TRPC6: variants seen among roughly 807,000 people sequenced by gnomAD.
TRPC6 encodes the protein transient receptor potential cation channel subfamily C member 6, also known as short transient receptor potential channel 6.
In TRPC6, 55 loss-of-function variants were observed where a neutral mutation model predicts 90.7. The observed-to-expected ratio is 0.61, with a 90% CI of 0.49 to 0.76. The LOEUF is 0.76. TRPC6 is among the 30% of genes least tolerant of loss of function. The pLI, the probability that TRPC6 is intolerant of heterozygous loss-of-function variation, is 0.00. For missense variants in TRPC6, 989 were observed against 1,122.7 expected (o/e 0.88, Z 1.70); for synonymous variants, 393 against 393.0 (o/e 1.00, Z 0.00).
intron 4 of TRPC6, among the ~76,000 whole-genome samples, chr11:101,484,632 T>TGTGC (rs1455813140): frequency 1.4e-5 from 2 of 140,940 alleles, no homozygotes; most frequent in Non-Finnish European, 3.1e-5. Context: ...TGTGTGTGTG[T>TGTGC]GTGTATGAGT....
intron 10 of TRPC6, among the ~76,000 whole-genome samples, chr11:101,468,620 A>C (rs189397104): frequency 5.3e-5 from 8 of 152,320 alleles, no homozygotes; most frequent in African/African-American, 1.7e-4. Flanking sequence ...AAGTGGGTAT[A>C]ATAGCTGAAA....
At chr11:101,496,497 G>A (rs1859952803) in intron 2 of TRPC6, among the ~76,000 whole-genome samples, 1 of 152,030 alleles carries the variant, frequency 6.6e-6, no homozygotes, top group Admixed American at 6.6e-5. Flanking sequence ...TATAGAAAAG[G>A]TAAAAAGAAA....
chr11:101,472,697 A>G (rs967044663), intron 7 of TRPC6, among the ~76,000 whole-genome samples: 2 of 152,290 alleles, frequency 1.3e-5, no homozygotes, highest in East Asian at 3.9e-4. Flanking sequence ...CTCATATCCA[A>G]TAGATAATAA....
At chr11:101,555,102 C>T (rs955473349) in intron 1 of TRPC6, among the ~76,000 whole-genome samples, 10 of 152,178 alleles carry the variant, frequency 6.6e-5, no homozygotes, top group African/African-American at 9.7e-5. Context: ...GAGACACTGC[C>T]ATGAGAAGGA....
At chr11:101,508,684 T>C (rs149978080) in intron 1 of TRPC6, among the ~76,000 whole-genome samples, 2,349 of 152,158 alleles carry the variant, frequency 0.015, 66 homozygotes, top group African/African-American at 0.054. Context: ...TGAAGAATGC[T>C]TTGAAAAAGA....
rs1243812653 is a variant in TRPC6, at chr11:101,504,390, T to C, written c.579A>G (p.Ala193=). The part of the protein sequence containing the change: ...HPAFAEGKRL[A]TSPSQSELQQ... The stretch of plus-strand genomic sequence containing the variant: ...GGAGTTCAGACTGGCTAGGGCTGGT[T>C]GCTAACCTCTTGCCTTCAGCAAAAG... The change falls in exon 2 of 13, where the codon GCA becomes GCG. Residue 193 remains alanine (A), a synonymous_variant. Coordinates refer to ENST00000344327, the MANE Select transcript of TRPC6 (RefSeq NM_004621.6). The C allele has an allele frequency of 6.2e-7, 1 of 1,614,016 alleles. No homozygotes were observed. The highest frequency in any genetic ancestry group is 1.3e-5 in the African/African-American group (1 of 74,918).
At chr11:101,491,937 T>C (rs1329706445) in intron 2 of TRPC6, among the ~76,000 whole-genome samples, 199 bp from the exon 3 acceptor site, 1 of 147,990 alleles carries the variant, frequency 6.8e-6, no homozygotes, top group East Asian at 2.0e-4. Flanking sequence ...GCCTCCTGGG[T>C]TCACGCCATT....
chr11:101,485,506 A>G (rs915638830), intron 4 of TRPC6, among the ~76,000 whole-genome samples: 2 of 152,094 alleles, frequency 1.3e-5, no homozygotes, highest in Non-Finnish European at 2.9e-5. Context: ...TTAACCGTGT[A>G]TTAGAGCAAG....
intron 4 of TRPC6, among the ~76,000 whole-genome samples, chr11:101,484,595 ATGTGTGTGTGTGTGTGTGTG>A (rs61160203): frequency 1.4e-5 from 2 of 140,788 alleles, no homozygotes; most frequent in Non-Finnish European, 1.5e-5. Flanking sequence ...CTCTCATGCT[ATGTGTGTGTGTGTGTGTGTG>A]TGTGTGTGTG....
chr11:101,558,970 T>C (rs1861650199), intron 1 of TRPC6, among the ~76,000 whole-genome samples: 1 of 152,120 alleles, frequency 6.6e-6, no homozygotes, highest in South Asian at 2.1e-4. Flanking sequence ...AATGTTTTTT[T>C]TGGATTTAAG....
intron 1 of TRPC6, among the ~76,000 whole-genome samples, chr11:101,541,262 C>T (rs4331058): frequency 0.64 from 96,385 of 151,744 alleles, 30,968 homozygotes; most frequent in South Asian, 0.77. Context: ...TCATTCAGCT[C>T]GCTGGTTATC....
intron 10 of TRPC6, among the ~76,000 whole-genome samples, chr11:101,460,593 T>C (rs1304025000): frequency 6.6e-6 from 1 of 152,154 alleles, no homozygotes; most frequent in Non-Finnish European, 1.5e-5. Context: ...TTTGCAAAAC[T>C]GTAAAACAAT....
intron 1 of TRPC6, among the ~76,000 whole-genome samples, chr11:101,521,254 C>T (rs1860653086): frequency 6.6e-6 from 1 of 151,990 alleles, no homozygotes; most frequent in African/African-American, 2.4e-5. Context: ...CCTCAGGACA[C>T]TGCTCCCTGT....
intron 10 of TRPC6, among the ~76,000 whole-genome samples, chr11:101,460,561 G>A (rs1367385074): frequency 6.6e-6 from 1 of 152,106 alleles, no homozygotes; most frequent in African/African-American, 2.4e-5. Context: ...GTGTATGTGT[G>A]TGATATTTAA....
intron 1 of TRPC6, among the ~76,000 whole-genome samples, chr11:101,523,315 C>CA (rs760102579): frequency 3.3e-5 from 5 of 152,142 alleles, no homozygotes; most frequent in Non-Finnish European, 7.4e-5. Flanking sequence ...TAGGATTTAA[C>CA]AGAGTTTTTT....
At chr11:101,581,372 G>A (rs1289484107) in intron 1 of TRPC6, among the ~76,000 whole-genome samples, 2 of 152,192 alleles carry the variant, frequency 1.3e-5, no homozygotes, top group African/African-American at 2.4e-5. Flanking sequence ...ACTGGGAAGA[G>A]TTTTCAGGAC....
At chr11:101,512,051 T>G (rs1860406031) in intron 1 of TRPC6, among the ~76,000 whole-genome samples, 1 of 152,046 alleles carries the variant, frequency 6.6e-6, no homozygotes, top group African/African-American at 2.4e-5. Context: ...CTCACCCTGT[T>G]CTCTCTCCCT....
intron 1 of TRPC6, among the ~76,000 whole-genome samples, chr11:101,568,793 C>T (rs1029359603): frequency 1.3e-5 from 2 of 152,146 alleles, no homozygotes; most frequent in Non-Finnish European, 1.5e-5. Context: ...AAATAAAATC[C>T]TTTACAGACC....
chr11:101,464,601 G>C (rs1217270933), intron 10 of TRPC6, among the ~76,000 whole-genome samples: 2 of 152,102 alleles, frequency 1.3e-5, no homozygotes, highest in Non-Finnish European at 2.9e-5. Context: ...CAGAGACTAG[G>C]ATTGCAACAC....
Sources: allele counts gnomAD v4.1 joint callset (sites outside exome capture counted in the v4.1 genomes callset), GRCh38; gene constraint gnomAD v4.1.1; transcripts MANE v1.5; gene names NCBI Gene and HGNC (gene_info 2026-07-23, HGNC 2026-07-21).